Variants in NHSL2 observed in about 807,000 individuals in gnomAD.
NHSL2 encodes NHS-like protein 2.
Under a neutral mutation model 53.4 loss-of-function variants are expected in NHSL2, and 27 were observed. The observed-to-expected ratio is 0.51, with a 90% CI of 0.37 to 0.70. The LOEUF (loss-of-function observed/expected upper bound fraction) is 0.70. Among genes scored for constraint, NHSL2 ranks in the 30% least tolerant of loss-of-function variants. The pLI is 0.00. For synonymous variants in NHSL2, 408 were observed against 404.1 expected (o/e 1.01, Z -0.12); for missense variants, 892 against 980.1 (o/e 0.91, Z 1.20).
intron 1 of NHSL2, chrX:72,130,400 TCTC>T (rs779901827): frequency 1.8e-5 from 21 of 1,183,622 alleles, no homozygotes; most frequent in Middle Eastern, 2.3e-4. Flanking sequence ...TCCTTCTTCA[TCTC>T]CTCCTCCTCC....
chrX:72,049,744 G>A (rs1002540443), intron 1 of NHSL2, among the ~76,000 whole-genome samples: 1 of 107,318 alleles, frequency 9.3e-6, no homozygotes, highest in Non-Finnish European at 1.9e-5. Context: ...AGAAAACATT[G>A]TGAGTGCCTG....
intron 1 of NHSL2, among the ~76,000 whole-genome samples, chrX:71,944,874 G>A (rs2041785323): frequency 8.9e-6 from 1 of 112,196 alleles, no homozygotes. Flanking sequence ...AGCAGACTGT[G>A]AGTTTTAGTA....
At chrX:71,977,759 G>T (rs944143409) in intron 1 of NHSL2, among the ~76,000 whole-genome samples, 1 of 111,868 alleles carries the variant, frequency 8.9e-6, no homozygotes, top group East Asian at 2.8e-4. Context: ...GACCATGGCC[G>T]CACCTTCTAT....
chrX:72,007,095 G>A (rs182504999), intron 1 of NHSL2, among the ~76,000 whole-genome samples: 1 of 112,134 alleles, frequency 8.9e-6, no homozygotes, highest in Admixed American at 9.4e-5. Context: ...TTGGATGAGG[G>A]TTTGTGGAAG....
chrX:71,945,861 A>T (rs1299982357), intron 1 of NHSL2, among the ~76,000 whole-genome samples: 1 of 111,987 alleles, frequency 8.9e-6, no homozygotes, highest in Non-Finnish European at 1.9e-5. Context: ...TAACCCTCAC[A>T]AGAGCTTTGC....
rs1200722554 is a variant in NHSL2, at chrX:71,991,784, C to G, written c.280+80417C>G. ...GTGTGCTAGAAGCATTTCTCTCTCT[C>G]TGTCTCTCTATGTCTCTCTGTGTGT... On this transcript the variant is annotated intron_variant, in intron 1 of 7. Coordinates refer to ENST00000633930, the MANE Select transcript of NHSL2 (RefSeq NM_001013627.3). Among the ~76,000 whole-genome samples the G allele has an allele frequency of 3.7e-5, 4 of 106,983 alleles. No individual in the cohort carries two copies. The South Asian group carries it at 1.3e-3, about 34-fold the overall frequency. 92.9% of individuals were successfully genotyped at this position (106,983 alleles called of 115,157 possible).
intron 1 of NHSL2, among the ~76,000 whole-genome samples, chrX:71,996,648 G>T (rs1008622836): frequency 1.8e-5 from 2 of 112,258 alleles, no homozygotes; most frequent in African/African-American, 6.5e-5. Context: ...CATTTTCAGA[G>T]GAGAACATTG....
At chrX:72,057,145 A>G (rs2147935314) in intron 1 of NHSL2, among the ~76,000 whole-genome samples, 1 of 112,385 alleles carries the variant, frequency 8.9e-6, no homozygotes, top group African/African-American at 3.2e-5. Context: ...AAGCCTCTTG[A>G]AAAGGTACTT....
intron 1 of NHSL2, among the ~76,000 whole-genome samples, chrX:72,052,180 G>A (rs1268161204): frequency 8.9e-6 from 1 of 112,295 alleles, no homozygotes; most frequent in African/African-American, 3.2e-5. Context: ...GGCTGAGCCA[G>A]ATGAGGCTCC....
rs1391698661 is a variant in NHSL2 at position 72,146,841 on chromosome X, TCCTCAGCCCCAACTTATC to T, written c.*3280_*3297del. The T allele has an allele frequency of 9.0e-6, 1 of 110,941 alleles. No individual in the cohort carries two copies. Among genetic ancestry groups the T allele is most frequent in the African/African-American group, 3.3e-5 (1 of 30,209 alleles). The allele number at this position is 110,941 out of a possible 1,213,427, so 9.1% of individuals were successfully genotyped here. A position where few individuals can be genotyped will look rare whatever the true frequency, so the allele number is the denominator to read the frequency against. ...GCCTCCCCCACCAGCCCCAACTTAT[TCCTCAGCCCCAACTTATC>T]CCTCAGCCCCAAATCCCATGAACTG... On this transcript the variant is annotated 3_prime_UTR_variant, in exon 8 of 8. Coordinates refer to ENST00000633930, the MANE Select transcript of NHSL2 (RefSeq NM_001013627.3).
At chrX:72,133,284 A>G (rs753453755) in intron 2 of NHSL2, among the ~76,000 whole-genome samples, 41 of 112,062 alleles carry the variant, frequency 3.7e-4, no homozygotes, top group African/African-American at 1.3e-3. Context: ...AGAAACACCT[A>G]GAAGGGCTGC....
chrX:72,132,324 A>G, intron 2 of NHSL2, 90 bp downstream of exon 2: 2 of 830,091 alleles, frequency 2.4e-6, no homozygotes, highest in Non-Finnish European at 3.4e-6. Context: ...GACAGGGACC[A>G]GCAAGATAAA....
chrX:71,972,965 C>CTAT (rs771538530), intron 1 of NHSL2, among the ~76,000 whole-genome samples: 48 of 109,923 alleles, frequency 4.4e-4, no homozygotes, highest in Admixed American at 2.1e-3. Context: ...TCAACAAGAA[C>CTAT]TATTACTTTA....
chrX:72,036,656 T>C (rs2042243058), intron 1 of NHSL2, among the ~76,000 whole-genome samples: 1 of 111,857 alleles, frequency 8.9e-6, no homozygotes, highest in African/African-American at 3.2e-5. Flanking sequence ...AGCTCTCTAA[T>C]GCTTTGCTCA....
At chrX:71,929,236 C>T (rs184209936) in intron 1 of NHSL2, among the ~76,000 whole-genome samples, 1 of 112,429 alleles carries the variant, frequency 8.9e-6, no homozygotes. Context: ...TATCAAAATA[C>T]TTTTTAAATT....
intron 1 of NHSL2, among the ~76,000 whole-genome samples, chrX:71,973,288 C>T (rs1295000092): frequency 8.9e-6 from 1 of 112,348 alleles, no homozygotes; most frequent in Non-Finnish European, 1.9e-5. Context: ...GAGTATGATC[C>T]CATGAGGTGT....
intron 1 of NHSL2, among the ~76,000 whole-genome samples, chrX:72,033,991 C>T (rs1483393062): frequency 1.8e-5 from 2 of 112,125 alleles, no homozygotes; most frequent in East Asian, 5.6e-4. Flanking sequence ...AAACAGTCTT[C>T]CACCATTAAG....
intron 1 of NHSL2, among the ~76,000 whole-genome samples, chrX:71,979,810 G>C (rs1461001555): frequency 5.4e-5 from 6 of 110,182 alleles, no homozygotes; most frequent in Admixed American, 9.6e-5. Flanking sequence ...CATTGCTTTT[G>C]GTGTTTTAGA....
At chrX:71,995,399 A>G (rs915331596) in intron 1 of NHSL2, among the ~76,000 whole-genome samples, 2 of 97,670 alleles carry the variant, frequency 2.0e-5, no homozygotes, top group Non-Finnish European at 4.3e-5. Flanking sequence ...TGAAAAGCCA[A>G]CGTCCTTACA....
Sources: allele counts gnomAD v4.1 joint callset (sites outside exome capture counted in the v4.1 genomes callset), GRCh38; gene constraint gnomAD v4.1.1; transcripts MANE v1.5; gene names NCBI Gene and HGNC (gene_info 2026-07-23, HGNC 2026-07-21).